The following CREB3L2 variants were observed in gnomAD, a reference collection of about 807,000 sequenced individuals.
CREB3L2 encodes cAMP responsive element binding protein 3 like 2, also known as cyclic AMP-responsive element-binding protein 3-like protein 2.
In CREB3L2, 23 loss-of-function variants were observed where a neutral mutation model predicts 57.2. That is an observed-to-expected ratio of 0.40 (90% confidence interval 0.29 to 0.57). The LOEUF is 0.57. CREB3L2 is among the 20% of genes least tolerant of loss of function. The pLI is 0.42. For missense variants in CREB3L2, 628 were observed against 634.7 expected, an observed-to-expected ratio of 0.99 and a Z score of 0.11; for synonymous variants, 268 against 265.1, an observed-to-expected ratio of 1.01 and a Z score of -0.11.
intron 1 of CREB3L2, among the ~76,000 whole-genome samples, chr7:137,930,927 TAA>T (rs34350375): frequency 4.9e-5 from 7 of 144,300 alleles, no homozygotes; most frequent in African/African-American, 1.0e-4. Context: ...TCATTCCTTT[TAA>T]AAAAAAAAAA....
intron 1 of CREB3L2, among the ~76,000 whole-genome samples, chr7:137,974,838 G>A (rs1334919027): frequency 6.6e-6 from 1 of 152,170 alleles, no homozygotes; most frequent in Non-Finnish European, 1.5e-5. Flanking sequence ...GAACAGGTTT[G>A]GGGTAGAGCC....
Position 137,880,623 on chromosome 7 carries a change from G to A in CREB3L2, c.1488-72C>T, listed in dbSNP as rs961891557. On this transcript the variant is annotated intron_variant, in intron 11 of 11. Coordinates refer to ENST00000330387, the MANE Select transcript of CREB3L2 (RefSeq NM_194071.4). The surrounding 1 kb of genome is among the most constrained non-coding windows in gnomAD (Gnocchi z 4.0). ...AGCTACAATTCTCATGCTTTGTAGC[G>A]TGATGCAATCATTCAGGGGTTGCAA... 48 of 1,233,198 alleles carry A rather than the reference G, an allele frequency of 3.9e-5. No individual in the cohort carries two copies. The highest frequency in any genetic ancestry group is 3.6e-4 in the South Asian group (29 of 81,168). 76.4% of individuals were successfully genotyped at this position (1,233,198 alleles called of 1,614,324 possible). A position where few individuals can be genotyped will look rare whatever the true frequency, so the allele number is the denominator to read the frequency against.
intron 1 of CREB3L2, chr7:137,953,279 G>GGTGGT (rs1364603911): frequency 2.7e-6 from 1 of 367,114 alleles, no homozygotes; most frequent in Non-Finnish European, 5.4e-6. Context: ...ATTAGCTCCC[G>GGTGGT]GTGGTGTTTC....
chr7:137,969,761 A>AACGCACACACACAC (rs1801473566), intron 1 of CREB3L2, among the ~76,000 whole-genome samples: 1 of 103,552 alleles, frequency 9.7e-6, no homozygotes, highest in African/African-American at 2.9e-5. Flanking sequence ...AGGGTCATCA[A>AACGCACACACACAC]ACACACACAC....
chr7:138,001,494 A>G lies in CREB3L2; in HGVS notation c.102+110T>C, dbSNP rs1368327430. The stretch of plus-strand genomic sequence containing the variant: ...CGCCCAGGACCTCTTGATTCTGACC[A>G]TGCCCTGCCCCAAACCCTGCCTTCC... On this transcript the variant is annotated intron_variant, in intron 1 of 11. Transcript: ENST00000330387. The surrounding 1 kb of genome is among the most constrained non-coding windows in gnomAD (Gnocchi z 4.2). The G allele has an allele frequency of 4.1e-6, 3 of 737,668 alleles. No individual in the cohort carries two copies. Among genetic ancestry groups the G allele is most frequent in the Non-Finnish European group, 6.8e-6 (3 of 440,728 alleles). The allele number at this position is 737,668 out of a possible 1,614,324, so 45.7% of individuals were successfully genotyped here.
chr7:137,925,216 A>T (rs1800426830), intron 2 of CREB3L2, among the ~76,000 whole-genome samples: 1 of 152,142 alleles, frequency 6.6e-6, no homozygotes, highest in African/African-American at 2.4e-5. Flanking sequence ...CAGGAGGCAG[A>T]GGGAGAAAAA....
intron 2 of CREB3L2, among the ~76,000 whole-genome samples, chr7:137,922,388 ATATATATATATATATATATATATATATG>A (rs1442994653): frequency 9.3e-4 from 18 of 19,424 alleles, no homozygotes; most frequent in East Asian, 8.2e-3. Flanking sequence ...ATATATGTAT[ATATATATATATATATATATATATATATG>A]TATATATATA....
At chr7:137,967,046 C>G (rs1801418999) in intron 1 of CREB3L2, among the ~76,000 whole-genome samples, 1 of 152,174 alleles carries the variant, frequency 6.6e-6, no homozygotes, top group South Asian at 2.1e-4. Context: ...AAAGCTTGCT[C>G]TCTCTCCCCT....
At chr7:137,937,253 G>A (rs1256727341) in intron 1 of CREB3L2, among the ~76,000 whole-genome samples, 1 of 152,226 alleles carries the variant, frequency 6.6e-6, no homozygotes, top group Non-Finnish European at 1.5e-5. Context: ...AGTGTGGCAA[G>A]AGCAAGCTGA....
chr7:137,974,054 T>A (rs1281447866), intron 1 of CREB3L2, among the ~76,000 whole-genome samples: 2 of 149,360 alleles, frequency 1.3e-5, no homozygotes, highest in Non-Finnish European at 3.0e-5. Flanking sequence ...ATCTGCTCTT[T>A]AAAAAAAAAA....
chr7:137,916,725 A>G (rs1010885289), intron 2 of CREB3L2, among the ~76,000 whole-genome samples: 4 of 151,564 alleles, frequency 2.6e-5, no homozygotes, highest in Admixed American at 6.6e-5. Flanking sequence ...TCAAGAAAGA[A>G]AGAGAGAGAA....
chr7:137,927,419 A>G (rs1164825079), intron 2 of CREB3L2, among the ~76,000 whole-genome samples: 6 of 145,248 alleles, frequency 4.1e-5, no homozygotes, highest in Admixed American at 6.9e-5. Flanking sequence ...AAGGGAAGGG[A>G]AGCAAGGGAG....
At chr7:137,890,961 T>C (rs1799518171) in intron 8 of CREB3L2, among the ~76,000 whole-genome samples, 1 of 152,242 alleles carries the variant, frequency 6.6e-6, no homozygotes, top group Admixed American at 6.5e-5. Flanking sequence ...CTCTTTATTA[T>C]TGTATTTTAA....
chr7:137,885,313 G>T, intron 9 of CREB3L2, 90 bp downstream of exon 9: 1 of 1,276,172 alleles, frequency 7.8e-7, no homozygotes, highest in Non-Finnish European at 1.1e-6. Context: ...TTCTCCTACA[G>T]CACAGCACTT....
chr7:137,883,457 T>C (rs1346662077), intron 10 of CREB3L2, among the ~76,000 whole-genome samples: 1 of 152,232 alleles, frequency 6.6e-6, no homozygotes, highest in Non-Finnish European at 1.5e-5. Context: ...AAGGTATATA[T>C]GTATGGGAAA....
chr7:137,915,696 G>T, intron 3 of CREB3L2, 141 bp downstream of exon 3: 1 of 650,670 alleles, frequency 1.5e-6, no homozygotes, highest in African/African-American at 1.8e-5. Context: ...GTATACATAT[G>T]TATATACACA....
At chr7:137,972,684 C>CAA (rs58627909) in intron 1 of CREB3L2, among the ~76,000 whole-genome samples, 145 of 9,584 alleles carry the variant, frequency 0.015, 10 homozygotes, top group Non-Finnish European at 0.021. Context: ...CCCGTCTCTA[C>CAA]AAAAAAAAAA....
chr7:137,900,812 GA>G (rs540691489), intron 8 of CREB3L2, among the ~76,000 whole-genome samples: 24 of 146,702 alleles, frequency 1.6e-4, no homozygotes, highest in African/African-American at 4.7e-4. Context: ...TCAAAAAAAA[GA>G]AAAAAAAAAT....
At chr7:137,995,314 C>CT (rs1287778376) in intron 1 of CREB3L2, among the ~76,000 whole-genome samples, 150 of 93,562 alleles carry the variant, frequency 1.6e-3, no homozygotes, top group Non-Finnish European at 2.3e-3. Flanking sequence ...AGCTCTATTT[C>CT]TTTTTTTTTC....
Sources: gnomAD v4.1 joint callset for allele counts (sites outside exome capture counted in the v4.1 genomes callset) on GRCh38, gnomAD v4.1.1 for gene constraint, Gnocchi (gnomAD v3.1) non-coding constraint, MANE v1.5 for transcripts, NCBI Gene and HGNC (gene_info 2026-07-23, HGNC 2026-07-21) for gene names.